HTR7: variants seen among roughly 807,000 people sequenced by gnomAD.
HTR7 encodes 5-HT-7.
A neutral mutation model predicts 34.0 loss-of-function variants in HTR7; 16 were observed. The ratio of observed to expected loss-of-function variants is 0.47; its 90% CI spans 0.32 to 0.71. The LOEUF (loss-of-function observed/expected upper bound fraction) is 0.71. HTR7 is among the 30% of genes least tolerant of loss of function. The pLI, the probability that HTR7 is intolerant of heterozygous loss-of-function variation, is 0.04. For synonymous variants in HTR7, 265 were observed against 260.2 expected, an observed-to-expected ratio of 1.02 and a Z score of -0.18; for missense variants, 504 against 625.5, an observed-to-expected ratio of 0.81 and a Z score of 2.07.
intron 1 of HTR7, among the ~76,000 whole-genome samples, chr10:90,758,615 T>C (rs1435239753): frequency 6.6e-6 from 1 of 152,114 alleles, no homozygotes; most frequent in Non-Finnish European, 1.5e-5. Context: ...TACAGTGATA[T>C]AATTTAGGAC....
chr10:90,844,726 CAAAAAAAAAAAA>C lies in HTR7; in HGVS notation c.539+12395_539+12406del, dbSNP rs71025328. On this transcript the variant is annotated intron_variant, in intron 1 of 3. Transcript: ENST00000336152. ...TGGGCAACAGAATGAGACTCCGTCT[CAAAAAAAAAAAA>C]AAAAAAAAAAAAAAAAAAAAAAAAA... is the stretch of plus-strand genomic sequence containing the variant. Among the ~76,000 whole-genome samples, 14 of 39,500 alleles carry C rather than the reference CAAAAAAAAAAAA, an allele frequency of 3.5e-4. No individual in the cohort carries two copies. In the East Asian group the frequency reaches 6.0e-3, roughly 17 times the overall value. The allele number at this position is 39,500 out of a possible 152,430, so 25.9% of individuals were successfully genotyped here.
intron 1 of HTR7, among the ~76,000 whole-genome samples, chr10:90,854,051 T>A (rs559171529): frequency 3.9e-4 from 59 of 152,120 alleles, no homozygotes; most frequent in African/African-American, 1.3e-3. Context: ...CTTGACACAG[T>A]AGAAAGGAAA....
At chr10:90,819,326 A>T (rs1157701418) in intron 1 of HTR7, among the ~76,000 whole-genome samples, 1 of 152,146 alleles carries the variant, frequency 6.6e-6, no homozygotes, top group Non-Finnish European at 1.5e-5. Context: ...GCTAAACAAT[A>T]AAAACTTTTT....
At chr10:90,813,674 G>A (rs1845854786) in intron 1 of HTR7, among the ~76,000 whole-genome samples, 1 of 152,160 alleles carries the variant, frequency 6.6e-6, no homozygotes, top group African/African-American at 2.4e-5. Flanking sequence ...CAAGCTAGAA[G>A]CTTGCAAGGG....
intron 1 of HTR7, among the ~76,000 whole-genome samples, chr10:90,789,285 C>G (rs1453545081): frequency 6.6e-6 from 1 of 152,184 alleles, no homozygotes; most frequent in African/African-American, 2.4e-5. Flanking sequence ...TGCTTTGACT[C>G]TTTTGTGATT....
chr10:90,828,637 A>G (rs1192814689), intron 1 of HTR7, among the ~76,000 whole-genome samples: 1 of 152,180 alleles, frequency 6.6e-6, no homozygotes, highest in East Asian at 1.9e-4. Context: ...ACCAAGATTG[A>G]ACCATAAAGA....
intron 1 of HTR7, among the ~76,000 whole-genome samples, chr10:90,770,423 A>T (rs1265290160): frequency 1.3e-5 from 2 of 152,108 alleles, no homozygotes; most frequent in African/African-American, 2.4e-5. Context: ...TGCAGGCTCC[A>T]TGGAGAGGGC....
chr10:90,782,066 C>A (rs535914137), intron 1 of HTR7, among the ~76,000 whole-genome samples: 2,594 of 152,302 alleles, frequency 0.017, 82 homozygotes, highest in African/African-American at 0.058. Context: ...GCCTGTCATG[C>A]ATGGGACATC....
chr10:90,764,961 T>C (rs1455354233), intron 1 of HTR7, among the ~76,000 whole-genome samples: 1 of 152,200 alleles, frequency 6.6e-6, no homozygotes. Flanking sequence ...GTTGCATCTA[T>C]GTTCATCAGA....
chr10:90,820,524 C>T (rs1326117747), intron 1 of HTR7, among the ~76,000 whole-genome samples: 1 of 152,122 alleles, frequency 6.6e-6, no homozygotes, highest in Non-Finnish European at 1.5e-5. Context: ...CTTGAGTTAA[C>T]CCTTTGGAAT....
intron 2 of HTR7, chr10:90,743,979 A>C: frequency 3.5e-6 from 2 of 567,106 alleles, no homozygotes; most frequent in Non-Finnish European, 6.8e-6. Flanking sequence ...AAATGGGTAA[A>C]TATTTGGGAG....
intron 2 of HTR7, among the ~76,000 whole-genome samples, chr10:90,746,715 T>C (rs1238843669): frequency 6.6e-6 from 1 of 152,166 alleles, no homozygotes; most frequent in Non-Finnish European, 1.5e-5. Flanking sequence ...ACAGCCCTCA[T>C]CTAGCTGTAC....
At position 90,857,294 on chromosome 10, in the gene HTR7, G is replaced by A. The variant is rs1358566545; in HGVS notation, c.378C>T (p.Ala126=). The A allele has an allele frequency of 1.9e-6, 3 of 1,614,144 alleles. No homozygotes were observed. The highest frequency in any genetic ancestry group is 1.6e-4 in the Middle Eastern group (1 of 6,062). ...TGACCGCCACAGCCACCGAGAGGTC[G>A]GCCAGCGCCAGGGACACGATCAGGT... ...SNYLIVSLAL[A]DLSVAVAVMP... The change falls in exon 1 of 4, where the codon GCC becomes GCT. Residue 126 remains alanine, a synonymous_variant. Coordinates refer to ENST00000336152, the MANE Select transcript of HTR7 (RefSeq NM_019859.4). This position sits in a 1 kb window ranked among gnomAD's most constrained non-coding sequence, Gnocchi z 6.5.
At chr10:90,767,415 G>A (rs1845041218) in intron 1 of HTR7, among the ~76,000 whole-genome samples, 1 of 152,146 alleles carries the variant, frequency 6.6e-6, no homozygotes, top group Admixed American at 6.5e-5. Flanking sequence ...AATTATCTTT[G>A]CACTATGAAT....
intron 1 of HTR7, among the ~76,000 whole-genome samples, chr10:90,829,736 G>A (rs777574792): frequency 1.4e-4 from 22 of 152,088 alleles, no homozygotes; most frequent in South Asian, 8.3e-4. Flanking sequence ...AACTCCACAC[G>A]CAAAACAAAA....
chr10:90,784,080 T>C, intron 1 of HTR7, among the ~76,000 whole-genome samples: 1 of 152,226 alleles, frequency 6.6e-6, no homozygotes, highest in East Asian at 1.9e-4. Context: ...TGGAATAGTA[T>C]AACATTTTAT....
intron 1 of HTR7, among the ~76,000 whole-genome samples, chr10:90,780,937 C>G (rs191170044): frequency 6.6e-6 from 1 of 152,272 alleles, no homozygotes; most frequent in East Asian, 1.9e-4. Context: ...AAAACATATA[C>G]AAAACTCCCG....
intron 1 of HTR7, among the ~76,000 whole-genome samples, chr10:90,804,531 C>T (rs544067138): frequency 1.3e-5 from 2 of 152,324 alleles, no homozygotes; most frequent in African/African-American, 2.4e-5. Flanking sequence ...TGCTCACCTG[C>T]ATGCTCCCCC....
intron 1 of HTR7, among the ~76,000 whole-genome samples, chr10:90,832,492 G>T (rs1006696760): frequency 2.0e-5 from 3 of 152,122 alleles, no homozygotes; most frequent in Non-Finnish European, 4.4e-5. Flanking sequence ...CCAAGCCCAC[G>T]CCCACCCGGA....
Sources: gnomAD v4.1 joint callset for allele counts (sites outside exome capture counted in the v4.1 genomes callset) on GRCh38, gnomAD v4.1.1 for gene constraint, Gnocchi (gnomAD v3.1) non-coding constraint, MANE v1.5 for transcripts, NCBI Gene and HGNC (gene_info 2026-07-23, HGNC 2026-07-21) for gene names.